The following MCF2L2 variants were observed in gnomAD, a reference collection of about 807,000 sequenced individuals.
MCF2L2 encodes the protein MCF.2 cell line derived transforming sequence-like 2.
In MCF2L2, 102 loss-of-function variants were observed where a neutral mutation model predicts 150.2. That is an observed-to-expected ratio of 0.68 (90% CI 0.58 to 0.80). The LOEUF (loss-of-function observed/expected upper bound fraction) is 0.80. MCF2L2 is among the 30% of genes least tolerant of loss of function. The pLI, the probability that MCF2L2 is intolerant of heterozygous loss-of-function variation, is 0.00. For synonymous variants in MCF2L2, 465 were observed against 491.3 expected, an observed-to-expected ratio of 0.95 and a Z score of 0.71; for missense variants, 1,256 against 1,372.8, an observed-to-expected ratio of 0.91 and a Z score of 1.34.
In MCF2L2 at chr3:183,351,203, TA is replaced by T. The variant is rs1208376281; in HGVS notation, c.276-9574del. ...TTATTTTCTTAAGTATATATATATA[TA>T]TATATATATATATATATATATATAT... is the stretch of plus-strand genomic sequence containing the variant. On this transcript the variant is annotated intron_variant, in intron 3 of 29. Coordinates refer to ENST00000328913, the MANE Select transcript of MCF2L2 (RefSeq NM_015078.4). Among the ~76,000 whole-genome samples, 18 of 67,508 alleles carry T rather than the reference TA, an allele frequency of 2.7e-4. 1 individual carries two copies. The highest frequency in any genetic ancestry group is 1.4e-3 in the African/African-American group (17 of 12,088). 44.3% of individuals were successfully genotyped at this position (67,508 alleles called of 152,430 possible). A position where few individuals can be genotyped will look rare whatever the true frequency, so the allele number is the denominator to read the frequency against.
chr3:183,245,183 G>C (rs1724194075), intron 15 of MCF2L2, among the ~76,000 whole-genome samples: 1 of 152,100 alleles, frequency 6.6e-6, no homozygotes, highest in South Asian at 2.1e-4. Flanking sequence ...ATGAAACAAA[G>C]GTCACAAGAC....
chr3:183,277,295 C>A (rs1433003404), intron 14 of MCF2L2, among the ~76,000 whole-genome samples: 2 of 150,792 alleles, frequency 1.3e-5, no homozygotes, highest in Admixed American at 6.6e-5. Flanking sequence ...CAAGATCACA[C>A]CATTGCACTC....
chr3:183,238,584 C>T (rs1382627458), intron 15 of MCF2L2, among the ~76,000 whole-genome samples: 3 of 151,314 alleles, frequency 2.0e-5, no homozygotes, highest in African/African-American at 7.3e-5. Context: ...TGAGCCACCT[C>T]GCCTGGCCAG....
chr3:183,276,946 G>C lies in MCF2L2; in HGVS notation c.1788C>G (p.Ile596Met). ...TCCCCCTTTCATGATGGCTTTCAAA[G>C]ATTTCTTCACTCTGAAGTGAAAGAA... ...ETKFEVKSEEIFESHHERGNP... is the reference protein window; with the variant it reads ...ETKFEVKSEEMFESHHERGNP... Residue 596 changes from isoleucine to methionine, a missense_variant, in exon 15 of 30, where the codon ATC (isoleucine) becomes ATG (methionine). By Grantham distance (10) the Ile-to-Met change is conservative. Coordinates refer to ENST00000328913, the MANE Select transcript of MCF2L2 (RefSeq NM_015078.4). The C allele has an allele frequency of 6.2e-7, 1 of 1,606,662 alleles. No homozygotes were observed. Among genetic ancestry groups the C allele is most frequent in the Non-Finnish European group, 8.5e-7 (1 of 1,175,828 alleles).
chr3:183,237,853 C>T (rs576935614), intron 15 of MCF2L2, among the ~76,000 whole-genome samples: 1 of 65,770 alleles, frequency 1.5e-5, no homozygotes, highest in South Asian at 5.8e-4. Flanking sequence ...TATAAATTTC[C>T]CTCTACACAC....
chr3:183,223,651 T>C (rs188137800), intron 19 of MCF2L2, among the ~76,000 whole-genome samples: 92 of 152,296 alleles, frequency 6.0e-4, no homozygotes, highest in African/African-American at 2.1e-3. Context: ...GGCTAATATT[T>C]TTACAGGCAT....
chr3:183,371,250 A>C (rs1296948741), intron 3 of MCF2L2, among the ~76,000 whole-genome samples: 1 of 152,222 alleles, frequency 6.6e-6, no homozygotes, highest in Non-Finnish European at 1.5e-5. Flanking sequence ...CGCACCTGTG[A>C]CACAGCCTCA....
intron 27 of MCF2L2, among the ~76,000 whole-genome samples, chr3:183,182,919 G>A (rs549466358): frequency 6.6e-6 from 1 of 152,292 alleles, no homozygotes; most frequent in East Asian, 1.9e-4. Flanking sequence ...AGCTGAGTCA[G>A]GGCCAGGACC....
chr3:183,372,156 A>G lies in MCF2L2; in HGVS notation c.275+7141T>C, dbSNP rs566825246. 3.3e-5 allele frequency: 5 copies of G among 152,146 alleles called. No individual in the cohort carries two copies. In the East Asian group the frequency reaches 7.7e-4, roughly 24 times the overall value. 9.4% of individuals were successfully genotyped at this position (152,146 alleles called of 1,614,324 possible). On this transcript the variant is annotated intron_variant, in intron 3 of 29. Coordinates refer to ENST00000328913, the MANE Select transcript of MCF2L2 (RefSeq NM_015078.4). ...GAGATTTATTTTCCCTTCACACTTC[A>G]TAATAGTAAGAGGCCCAGATTGCAC...
chr3:183,296,365 C>T (rs1360822339), intron 12 of MCF2L2: 1 of 153,186 alleles, frequency 6.5e-6, no homozygotes, highest in Admixed American at 6.5e-5. Flanking sequence ...CCAAAACACA[C>T]TTCCATTGCT....
intron 17 of MCF2L2, among the ~76,000 whole-genome samples, chr3:183,229,437 G>A (rs944590752): frequency 6.6e-6 from 1 of 152,194 alleles, no homozygotes; most frequent in Non-Finnish European, 1.5e-5. Context: ...CAACATGGAT[G>A]TCTGACACTG....
chr3:183,222,294 G>A (rs1723176299), intron 20 of MCF2L2, among the ~76,000 whole-genome samples: 1 of 152,172 alleles, frequency 6.6e-6, no homozygotes, highest in South Asian at 2.1e-4. Flanking sequence ...AAGAAATACT[G>A]TAATCCCAGC....
At chr3:183,354,390 C>G (rs1179987173) in intron 3 of MCF2L2, among the ~76,000 whole-genome samples, 1 of 152,146 alleles carries the variant, frequency 6.6e-6, no homozygotes, top group Admixed American at 6.5e-5. Context: ...GAGAGTCTGG[C>G]ACCTTTTACG....
chr3:183,370,708 T>C (rs1177923098), intron 3 of MCF2L2, among the ~76,000 whole-genome samples: 2 of 152,206 alleles, frequency 1.3e-5, no homozygotes, highest in East Asian at 3.8e-4. Flanking sequence ...AGTTTTTAAA[T>C]AGAGAAGGAC....
chr3:183,268,334 G>C (rs1275668880), intron 15 of MCF2L2, among the ~76,000 whole-genome samples: 1 of 152,202 alleles, frequency 6.6e-6, no homozygotes, highest in Admixed American at 6.5e-5. Context: ...AGCTCAGTTT[G>C]TCTCGTGGTT....
intron 3 of MCF2L2, among the ~76,000 whole-genome samples, chr3:183,350,360 C>T (rs892968693): frequency 1.3e-5 from 2 of 151,800 alleles, no homozygotes; most frequent in African/African-American, 4.8e-5. Flanking sequence ...GTCAACTAAA[C>T]CAAATGCACA....
chr3:183,399,208 T>A (rs185595528), intron 1 of MCF2L2, among the ~76,000 whole-genome samples: 15 of 152,322 alleles, frequency 9.8e-5, no homozygotes, highest in Non-Finnish European at 2.9e-5. Flanking sequence ...ATGCATTATC[T>A]ACTATATAAG....
intron 5 of MCF2L2, among the ~76,000 whole-genome samples, chr3:183,338,461 AAAAAG>A (rs1730575398): frequency 6.7e-6 from 1 of 148,936 alleles, no homozygotes; most frequent in African/African-American, 2.4e-5. Context: ...AAAAAAAAAA[AAAAAG>A]AAAAAGAAAA....
At chr3:183,244,719 A>G (rs1479386623) in intron 15 of MCF2L2, among the ~76,000 whole-genome samples, 1 of 152,140 alleles carries the variant, frequency 6.6e-6, no homozygotes, top group Non-Finnish European at 1.5e-5. Context: ...GCATAATACC[A>G]TGCTAATTTC....
Sources: gnomAD v4.1 joint callset for allele counts (sites outside exome capture counted in the v4.1 genomes callset) on GRCh38, gnomAD v4.1.1 for gene constraint, MANE v1.5 for transcripts, NCBI Gene and HGNC (gene_info 2026-07-23, HGNC 2026-07-21) for gene names.